The following TDRD5 variants were observed in gnomAD, a reference collection of about 807,000 sequenced individuals.
The protein encoded by TDRD5 is tudor domain-containing protein 5.
In TDRD5, 41 loss-of-function variants were observed where a neutral mutation model predicts 120.6. The ratio of observed to expected loss-of-function variants is 0.34; its 90% CI spans 0.26 to 0.44. TDRD5 has a LOEUF of 0.44. TDRD5 is among the 20% of genes least tolerant of loss of function. The probability of loss-of-function intolerance (pLI) is 1.00; values close to 1 mark genes in which losing one functional copy is unlikely to be tolerated. For missense variants in TDRD5, 1,006 were observed against 1,221.2 expected (o/e 0.82, Z 2.63); for synonymous variants, 430 against 433.7 (o/e 0.99, Z 0.11).
intron 17 of TDRD5, 136 bp from the exon 18 acceptor site, chr1:179,690,560 G>A (rs1214529840): frequency 8.5e-7 from 1 of 1,171,378 alleles, no homozygotes; most frequent in African/African-American, 1.5e-5. Flanking sequence ...CATCTTCTCT[G>A]ATTAGCCATT....
At chr1:179,636,793 A>G (rs778922782) in intron 9 of TDRD5, among the ~76,000 whole-genome samples, 1 of 152,210 alleles carries the variant, frequency 6.6e-6, no homozygotes, top group Non-Finnish European at 1.5e-5. Flanking sequence ...CTTTTACTCG[A>G]AAGTTTGATT....
At chr1:179,642,485 C>T (rs1341787805) in intron 11 of TDRD5, among the ~76,000 whole-genome samples, 1 of 152,186 alleles carries the variant, frequency 6.6e-6, no homozygotes. Context: ...AGTAATCTCA[C>T]GATTGTCCTT....
intron 17 of TDRD5, among the ~76,000 whole-genome samples, chr1:179,683,834 TGAAG>T (rs1340810417): frequency 6.6e-6 from 1 of 152,108 alleles, no homozygotes. Flanking sequence ...AGGACTTTCT[TGAAG>T]GAAGCAATGT....
intron 4 of TDRD5, among the ~76,000 whole-genome samples, chr1:179,615,925 T>C (rs1336328489): frequency 6.6e-6 from 1 of 152,140 alleles, no homozygotes; most frequent in African/African-American, 2.4e-5. Flanking sequence ...TATTCTCTGC[T>C]TTTACTAAAC....
In TDRD5 at chr1:179,593,566, T is replaced by C; in HGVS notation, c.339T>C (p.Ser113=). The C allele has an allele frequency of 3.1e-6, 5 of 1,614,246 alleles. No individual in the cohort carries two copies. Among genetic ancestry groups the C allele is most frequent in the Non-Finnish European group, 4.2e-6 (5 of 1,180,036 alleles). The change falls in exon 3 of 18, where the codon TCT becomes TCC. Residue 113 remains serine (S), a synonymous_variant. Coordinates refer to ENST00000444136, the MANE Select transcript of TDRD5 (RefSeq NM_001199085.3). ...ATAAGGGAAGACCTAGTATTTATTCTGGACCGAGATCTCATCGGCGAGTAC... is the reference window on the plus strand; with the variant it reads ...ATAAGGGAAGACCTAGTATTTATTCCGGACCGAGATCTCATCGGCGAGTAC... The part of the protein sequence containing the change: ...SMHKGRPSIY[S]GPRSHRRVPY...
intron 17 of TDRD5, among the ~76,000 whole-genome samples, chr1:179,672,106 A>G (rs949782288): frequency 6.6e-6 from 1 of 151,646 alleles, no homozygotes; most frequent in Non-Finnish European, 1.5e-5. Context: ...TTTTCGTATA[A>G]TGACTTCTTT....
chr1:179,650,599 A>G (rs1678658982), intron 11 of TDRD5, among the ~76,000 whole-genome samples: 1 of 152,104 alleles, frequency 6.6e-6, no homozygotes, highest in Admixed American at 6.6e-5. Context: ...GGGTTGGTCT[A>G]ATAATCTAAC....
At chr1:179,637,402 T>C (rs922472719) in intron 9 of TDRD5, among the ~76,000 whole-genome samples, 1 of 152,304 alleles carries the variant, frequency 6.6e-6, no homozygotes, top group South Asian at 2.1e-4. Context: ...CACAGAGTTC[T>C]AAAAATTAAA....
At chr1:179,626,119 C>T (rs1252837487) in intron 6 of TDRD5, among the ~76,000 whole-genome samples, 10 of 151,766 alleles carry the variant, frequency 6.6e-5, no homozygotes, top group Non-Finnish European at 1.0e-4. Context: ...TGCTAGATGA[C>T]GAGTTAGTGG....
chr1:179,614,337 GTGAATGTGCCATAATTTTAAATGATGATA>G (rs920949635), intron 4 of TDRD5, among the ~76,000 whole-genome samples: 1 of 152,154 alleles, frequency 6.6e-6, no homozygotes. Flanking sequence ...AAATGATGGT[GTGAATGTGCCATAATTTTAAATGATGATA>G]TGAATGTGCC....
intron 11 of TDRD5, among the ~76,000 whole-genome samples, chr1:179,645,952 A>G (rs1678339095): frequency 6.6e-6 from 1 of 151,968 alleles, no homozygotes; most frequent in African/African-American, 2.4e-5. Context: ...ACCCTTCTCT[A>G]TCTTTATATT....
intron 6 of TDRD5, among the ~76,000 whole-genome samples, chr1:179,628,544 A>G (rs1352050483): frequency 6.6e-6 from 1 of 151,110 alleles, no homozygotes; most frequent in African/African-American, 2.4e-5. Context: ...GGCCTCAAGC[A>G]GTCCCTCCTG....
At chr1:179,606,289 T>C (rs1675978069) in intron 4 of TDRD5, among the ~76,000 whole-genome samples, 1 of 149,418 alleles carries the variant, frequency 6.7e-6, no homozygotes, top group Non-Finnish European at 1.5e-5. Context: ...AAAAATTGGA[T>C]TGTTTCTTAT....
chr1:179,611,450 A>G lies in TDRD5; in HGVS notation c.832-7149A>G, dbSNP rs1169789073. On this transcript the variant is annotated intron_variant, in intron 4 of 17. Transcript: ENST00000444136. ...TATTATTTTGAAACTACCTTAGCAA[A>G]CTTGGTTGTTTCAATAGTTTTCCCA... Among the ~76,000 whole-genome samples, 3 of 152,134 alleles carry G rather than the reference A, an allele frequency of 2.0e-5. No homozygotes were observed. In the East Asian group the frequency reaches 5.8e-4, roughly 29 times the overall value.
intron 11 of TDRD5, among the ~76,000 whole-genome samples, chr1:179,645,754 ATAT>A (rs1558402865): frequency 6.6e-6 from 1 of 152,084 alleles, no homozygotes. Flanking sequence ...AATTGAGGCT[ATAT>A]TATTAGGTAC....
intron 17 of TDRD5, among the ~76,000 whole-genome samples, chr1:179,671,195 C>G (rs1679836720): frequency 6.6e-6 from 1 of 152,142 alleles, no homozygotes; most frequent in African/African-American, 2.4e-5. Context: ...ATTTTGTCCT[C>G]TTGGTCTATA....
chr1:179,638,153 G>GTAAATACCCAGTTA (rs1292450141), intron 9 of TDRD5, among the ~76,000 whole-genome samples: 5 of 133,206 alleles, frequency 3.8e-5, no homozygotes, highest in Admixed American at 8.1e-5. Context: ...AATACCATGG[G>GTAAATACCCAGTTA]AAGATGTTTT....
At chr1:179,618,392 G>T (rs1287885567) in intron 4 of TDRD5, among the ~76,000 whole-genome samples, 3 of 152,104 alleles carry the variant, frequency 2.0e-5, no homozygotes, top group Non-Finnish European at 4.4e-5. Flanking sequence ...AAATTCCTCA[G>T]CATTTAGTTT....
At chr1:179,605,975 T>C (rs1159854633) in intron 4 of TDRD5, among the ~76,000 whole-genome samples, 5 of 152,080 alleles carry the variant, frequency 3.3e-5, no homozygotes, top group African/African-American at 7.2e-5. Flanking sequence ...AGTTGCTAAA[T>C]TGTCAGATAA....
Sources: gnomAD v4.1 joint callset for allele counts (sites outside exome capture counted in the v4.1 genomes callset) on GRCh38, gnomAD v4.1.1 for gene constraint, MANE v1.5 for transcripts, NCBI Gene and HGNC (gene_info 2026-07-23, HGNC 2026-07-21) for gene names.